The following AP1G1 variants were observed in gnomAD, a reference collection of about 807,000 sequenced individuals.
AP1G1 encodes the protein AP-1 complex subunit gamma-1.
A neutral mutation model predicts 108.3 loss-of-function variants in AP1G1; 7 were observed. That is an observed-to-expected ratio of 0.06 (90% CI 0.04 to 0.12). The LOEUF is 0.12. Among genes scored for constraint, AP1G1 ranks in the 10% least tolerant of loss-of-function variants. The probability of loss-of-function intolerance (pLI) is 1.00; values close to 1 mark genes in which losing one functional copy is unlikely to be tolerated. For synonymous variants in AP1G1, 379 were observed against 353.5 expected (o/e 1.07, Z -0.81); for missense variants, 756 against 1,010.7 (o/e 0.75, Z 3.42).
intron 4 of AP1G1, among the ~76,000 whole-genome samples, chr16:71,772,122 T>C (rs549778749): frequency 1.3e-4 from 17 of 127,892 alleles, no homozygotes; most frequent in Admixed American, 1.3e-3. Context: ...AAAAATATCT[T>C]TTTTTCTTTT....
intron 1 of AP1G1, among the ~76,000 whole-genome samples, chr16:71,795,509 A>C (rs2032553717): frequency 6.6e-6 from 1 of 152,190 alleles, no homozygotes; most frequent in Admixed American, 6.5e-5. Context: ...AACCCTCCAA[A>C]GAAGTTACCA....
chr16:71,769,833 A>C, intron 5 of AP1G1, 134 bp from the exon 6 acceptor site: 1 of 638,166 alleles, frequency 1.6e-6, no homozygotes, highest in South Asian at 1.8e-5. Flanking sequence ...CAAAGCATCT[A>C]AGCATTGAAG....
At chr16:71,760,688 G>A (rs1176645443) in intron 10 of AP1G1, among the ~76,000 whole-genome samples, 1 of 152,046 alleles carries the variant, frequency 6.6e-6, no homozygotes, top group Non-Finnish European at 1.5e-5. Context: ...GGGACTACAG[G>A]TGCACATCAC....
chr16:71,766,577 C>A (rs112468756), intron 6 of AP1G1: 3 of 318,516 alleles, frequency 9.4e-6, no homozygotes, highest in Non-Finnish European at 1.9e-5. Flanking sequence ...AAATAGTGTG[C>A]AAAGTGAATT....
At chr16:71,741,747 T>C (rs568633366) in intron 19 of AP1G1, among the ~76,000 whole-genome samples, 1 of 152,280 alleles carries the variant, frequency 6.6e-6, no homozygotes, top group African/African-American at 2.4e-5. Context: ...TCTCCTAGTC[T>C]AAAAAATCAA....
chr16:71,761,689 G>A (rs2031092147), intron 9 of AP1G1, 122 bp from the exon 10 acceptor site: 1 of 732,194 alleles, frequency 1.4e-6, no homozygotes. Flanking sequence ...AAAAAAAGGA[G>A]CTGGGTGCGG....
intron 1 of AP1G1, among the ~76,000 whole-genome samples, chr16:71,802,944 G>A (rs2032859773): frequency 6.6e-6 from 1 of 152,080 alleles, no homozygotes; most frequent in Non-Finnish European, 1.5e-5. Flanking sequence ...GCCAGGCTCG[G>A]TGGCTCACAC....
rs1170036950 is a variant in AP1G1 at position 71,789,631 on chromosome 16, C to T, written c.-3-149G>A. The T allele has an allele frequency of 1.4e-5, 10 of 739,060 alleles. No individual in the cohort carries two copies. The East Asian group carries it at 2.4e-4, about 18-fold the overall frequency. 45.8% of individuals were successfully genotyped at this position (739,060 alleles called of 1,614,324 possible). A position where few individuals can be genotyped will look rare whatever the true frequency, so the allele number is the denominator to read the frequency against. Reference sequence around the variant, plus strand: ...GCGAAGCTAAACAAAGCGTGCTAAGCTTCCGCAAAGCTATTACATACAGAC... The same window carrying T: ...GCGAAGCTAAACAAAGCGTGCTAAGTTTCCGCAAAGCTATTACATACAGAC... On this transcript the variant is annotated intron_variant, in intron 1 of 22. Transcript: ENST00000299980.
At chr16:71,795,076 T>C (rs944410632) in intron 1 of AP1G1, among the ~76,000 whole-genome samples, 1 of 152,010 alleles carries the variant, frequency 6.6e-6, no homozygotes, top group Non-Finnish European at 1.5e-5. Flanking sequence ...CCAACAGCTA[T>C]GGAAAAAGGG....
chr16:71,806,651 G>A, intron 1 of AP1G1: 1 of 1,251,252 alleles, frequency 8.0e-7, no homozygotes, highest in Non-Finnish European at 1.0e-6. Context: ...GTCAGAAATG[G>A]AACATTTCAG....
chr16:71,746,635 C>A lies in AP1G1; in HGVS notation c.1683G>T (p.Gln561His). Residue 561 changes from glutamine to histidine, a missense_variant, in exon 17 of 23, where the codon CAG becomes CAT. By Grantham distance (24) the Gln-to-His change is conservative. This residue lies in a region of AP1G1 where 357 missense variants were observed against 366.5 expected (regional missense o/e 0.97). Transcript: ENST00000299980. ...AAAGTGCATTATATTCTACTGCCCT[C>A]TGCTGGAGTTCCACATCAATGCTGC... ...YGSSIDVELQ[Q>H]RAVEYNALFK... 1 of 1,613,512 alleles carries A rather than the reference C, an allele frequency of 6.2e-7. No homozygotes were observed. The highest frequency in any genetic ancestry group is 8.5e-7 in the Non-Finnish European group (1 of 1,179,814).
chr16:71,755,942 C>A, intron 12 of AP1G1, 77 bp downstream of exon 12: 2 of 1,506,604 alleles, frequency 1.3e-6, no homozygotes, highest in Non-Finnish European at 1.8e-6. Flanking sequence ...CCGCGCCCAG[C>A]CCCCTCCCCA....
At chr16:71,772,353 T>C (rs956533013) in intron 4 of AP1G1, among the ~76,000 whole-genome samples, 2 of 152,128 alleles carry the variant, frequency 1.3e-5, no homozygotes, top group African/African-American at 4.8e-5. Context: ...ATGGTCTTGA[T>C]CTCCTGACCT....
rs1014476652 is a variant in AP1G1 at position 71,771,372 on chromosome 16, AGAAG to A, written c.469-124_469-121del. ...ACTAGTTCATCTACTAGAAAAATAA[AGAAG>A]GAAGAGGTTAGATATTAGATTTATG... On this transcript the variant is annotated intron_variant, in intron 4 of 22. Coordinates refer to ENST00000299980, the MANE Select transcript of AP1G1 (RefSeq NM_001128.6). 1.7e-5 allele frequency: 10 copies of A among 600,906 alleles called. No individual in the cohort carries two copies. In the East Asian group the frequency reaches 1.8e-4, roughly 11 times the overall value. The allele number at this position is 600,906 out of a possible 1,614,324, so 37.2% of individuals were successfully genotyped here. A position where few individuals can be genotyped will look rare whatever the true frequency, so the allele number is the denominator to read the frequency against.
At chr16:71,743,060 A>T (rs2029952727) in intron 19 of AP1G1, 1 of 152,200 alleles carries the variant, frequency 6.6e-6, no homozygotes, top group African/African-American at 2.4e-5. Context: ...TAGTCACCTA[A>T]AATTATAATT....
chr16:71,756,251 G>A (rs961366619), intron 11 of AP1G1, 92 bp from the exon 12 acceptor site: 5 of 1,171,498 alleles, frequency 4.3e-6, no homozygotes, highest in Admixed American at 5.2e-5. Context: ...ACCAAGTACT[G>A]CCAGATGTGC....
chr16:71,751,088 G>A (rs1225494354), intron 13 of AP1G1, among the ~76,000 whole-genome samples: 3 of 150,238 alleles, frequency 2.0e-5, no homozygotes, highest in South Asian at 2.1e-4. Context: ...CCAGGAGGCC[G>A]AGCTTGCAGT....
At chr16:71,808,343 G>T in intron 1 of AP1G1, 1 of 791,994 alleles carries the variant, frequency 1.3e-6, no homozygotes, top group Non-Finnish European at 1.7e-6. Flanking sequence ...TATGCTGGGA[G>T]TTATCTGACA....
intron 2 of AP1G1, among the ~76,000 whole-genome samples, chr16:71,785,166 A>C (rs1198885665): frequency 6.6e-6 from 1 of 152,034 alleles, no homozygotes; most frequent in Non-Finnish European, 1.5e-5. Context: ...TTCATCAGAA[A>C]TAGCTAAACT....
Sources: gnomAD v4.1 joint callset for allele counts (sites outside exome capture counted in the v4.1 genomes callset) on GRCh38, gnomAD v4.1.1 for gene constraint, gnomAD v4.1.1 regional missense constraint, MANE v1.5 for transcripts, NCBI Gene and HGNC (gene_info 2026-07-23, HGNC 2026-07-21) for gene names.